The following FILIP1 variants were observed in gnomAD, a reference collection of about 807,000 sequenced individuals.
FILIP1 encodes filamin A interacting protein 1.
Under a neutral mutation model 102.1 loss-of-function variants are expected in FILIP1, and 61 were observed. The observed-to-expected ratio is 0.60, with a 90% CI of 0.49 to 0.74. The LOEUF (loss-of-function observed/expected upper bound fraction) is 0.74. Among genes scored for constraint, FILIP1 ranks in the 30% least tolerant of loss-of-function variants. The pLI is 0.00. For missense variants in FILIP1, 1,314 were observed against 1,441.2 expected (o/e 0.91, Z 1.43); for synonymous variants, 491 against 526.9 (o/e 0.93, Z 0.93).
intron 2 of FILIP1, among the ~76,000 whole-genome samples, chr6:75,393,979 AC>A (rs554232986): frequency 8.2e-4 from 125 of 152,324 alleles, no homozygotes; most frequent in African/African-American, 2.8e-3. Context: ...CCTTAGAGGT[AC>A]TAGCAGAGGC....
At chr6:75,486,604 A>G (rs1452896806) in intron 1 of FILIP1, among the ~76,000 whole-genome samples, 4 of 152,122 alleles carry the variant, frequency 2.6e-5, no homozygotes, top group Non-Finnish European at 4.4e-5. Context: ...AAGTGGTTGA[A>G]ACTATCGAAT....
chr6:75,300,121 A>G (rs577107416), intron 6 of FILIP1, among the ~76,000 whole-genome samples: 1 of 152,088 alleles, frequency 6.6e-6, no homozygotes, highest in Non-Finnish European at 1.5e-5. Flanking sequence ...TGAGCTCTAC[A>G]TTTAAAAAAA....
chr6:75,461,822 A>C (rs533647502), intron 1 of FILIP1, among the ~76,000 whole-genome samples: 2 of 152,322 alleles, frequency 1.3e-5, no homozygotes, highest in South Asian at 4.1e-4. Context: ...ACAAGGGCGA[A>C]GTGTGTGCAT....
chr6:75,465,755 A>G (rs1367744139), intron 1 of FILIP1, among the ~76,000 whole-genome samples: 1 of 152,248 alleles, frequency 6.6e-6, no homozygotes, highest in Non-Finnish European at 1.5e-5. Context: ...TGAAATATAT[A>G]AATTGTGCTA....
intron 2 of FILIP1, among the ~76,000 whole-genome samples, chr6:75,378,236 T>C (rs779714588): frequency 2.0e-5 from 3 of 152,112 alleles, no homozygotes; most frequent in Non-Finnish European, 4.4e-5. Flanking sequence ...CTCCTTAAAG[T>C]ATGTCCTACA....
Position 75,380,847 on chromosome 6 carries a change from C to T in FILIP1, c.277-17930G>A, listed in dbSNP as rs573965418. Among the ~76,000 whole-genome samples, 5 of 152,118 alleles carry T rather than the reference C, an allele frequency of 3.3e-5. No homozygotes were observed. In the South Asian group the frequency reaches 1.0e-3, roughly 32 times the overall value. On this transcript the variant is annotated intron_variant, in intron 2 of 5. Coordinates refer to ENST00000237172, the MANE Select transcript of FILIP1 (RefSeq NM_015687.5). ...TGTGCTTGCAATTATGGAAAAAATA[C>T]ATGTGAAGAAAAATACCCACCAAAA... is the stretch of plus-strand genomic sequence containing the variant.
At chr6:75,296,945 ATAAC>A (rs1204406689) in intron 6 of FILIP1, 2 of 152,132 alleles carry the variant, frequency 1.3e-5, no homozygotes, top group Non-Finnish European at 2.9e-5. Context: ...CAGTCATTGA[ATAAC>A]TATTTATTGA....
intron 6 of FILIP1, among the ~76,000 whole-genome samples, chr6:75,299,546 A>C (rs1394574876): frequency 3.3e-5 from 5 of 152,164 alleles, no homozygotes; most frequent in Non-Finnish European, 5.9e-5. Context: ...TTCAATGAAC[A>C]TATACATATG....
intron 2 of FILIP1, among the ~76,000 whole-genome samples, chr6:75,404,659 C>T (rs928464929): frequency 6.6e-6 from 1 of 152,158 alleles, no homozygotes; most frequent in Non-Finnish European, 1.5e-5. Flanking sequence ...TCACTTTCAG[C>T]AGACCATAAC....
In FILIP1 at chr6:75,322,093, A is replaced by G. The variant is rs367620570; in HGVS notation, c.630-6891T>C. On this transcript the variant is annotated intron_variant, in intron 4 of 5. Transcript: ENST00000237172. ...AGTCGATTCAGCATTCCACTTGCAG[A>G]TGTTTTTTTCTCTTCCCTCATATTT... Among the ~76,000 whole-genome samples the G allele has an allele frequency of 2.2e-4, 33 of 152,278 alleles. 1 individual carries two copies. Among genetic ancestry groups the G allele is most frequent in the East Asian group, 1.2e-3 (6 of 5,176 alleles).
chr6:75,381,241 T>C (rs963176105), intron 2 of FILIP1, among the ~76,000 whole-genome samples: 1 of 152,106 alleles, frequency 6.6e-6, no homozygotes, highest in African/African-American at 2.4e-5. Context: ...TACAATTTTT[T>C]TTTTTTGAGA....
exon 7 of FILIP1, chr6:75,294,434 C>T (rs918209785): frequency 1.3e-5 from 2 of 151,828 alleles, no homozygotes; most frequent in Non-Finnish European, 2.9e-5. Context: ...TCCATATTAA[C>T]AGTCTTTAAA....
chr6:75,402,055 C>T lies in FILIP1; in HGVS notation c.276+12642G>A, dbSNP rs149169299. ...GTGGTATTTTCCCATGGCCAGATTC[C>T]TGTAAAATAATAAAAGGATTTATGA... is the stretch of plus-strand genomic sequence containing the variant. On this transcript the variant is annotated intron_variant, in intron 2 of 5. Coordinates refer to ENST00000237172, the MANE Select transcript of FILIP1 (RefSeq NM_015687.5). 5.4e-4 allele frequency among the ~76,000 whole-genome samples: 82 copies of T among 152,190 alleles called. 2 individuals carry two copies. The East Asian group carries it at 0.015, about 28-fold the overall frequency.
rs772003968 is a variant in FILIP1, at chr6:75,308,713, G to C, written c.3620C>G (p.Ser1207Cys). The C allele has an allele frequency of 6.2e-7, 1 of 1,613,286 alleles. No individual in the cohort carries two copies. The highest frequency in any genetic ancestry group is 8.5e-7 in the Non-Finnish European group (1 of 1,180,004). The stretch of plus-strand genomic sequence containing the variant: ...CCCTCAGCCCTTCCCCCCTCCGAGA[G>C]AGGTGGTGCTGCTGGCTGCAGATTT... ...LKKSAASSTT[S>C]LGGGKG The change falls in exon 6 of 6, where the codon TCT becomes TGT. Residue 1207 changes from serine to cysteine, a missense_variant. Around this residue, in one of 3 missense-constraint regions of FILIP1, gnomAD observed 816 missense variants for 913.1 expected, o/e 0.89. Coordinates refer to ENST00000237172, the MANE Select transcript of FILIP1 (RefSeq NM_015687.5).
chr6:75,443,298 T>G (rs1161963507), intron 1 of FILIP1, among the ~76,000 whole-genome samples: 1 of 152,210 alleles, frequency 6.6e-6, no homozygotes, highest in Non-Finnish European at 1.5e-5. Flanking sequence ...TTTTTAAATG[T>G]TTATGCCAAA....
chr6:75,325,628 A>G (rs916814508), intron 4 of FILIP1, among the ~76,000 whole-genome samples: 1 of 152,236 alleles, frequency 6.6e-6, no homozygotes, highest in African/African-American at 2.4e-5. Flanking sequence ...GCCAACAAAC[A>G]TTTGGAAAAA....
At chr6:75,321,988 TGGAGAAACACA>T (rs1030185088) in intron 4 of FILIP1, among the ~76,000 whole-genome samples, 107 of 152,148 alleles carry the variant, frequency 7.0e-4, no homozygotes, top group African/African-American at 2.3e-3. Flanking sequence ...GAGGGAGCCA[TGGAGAAACACA>T]GGAGCACCCA....
intron 2 of FILIP1, among the ~76,000 whole-genome samples, chr6:75,402,387 T>C (rs563371296): frequency 1.7e-4 from 26 of 152,290 alleles, no homozygotes; most frequent in Non-Finnish European, 3.2e-4. Flanking sequence ...AGCAAAGACA[T>C]GCCATTCTCA....
At chr6:75,332,927 G>A (rs1281006722) in intron 4 of FILIP1, among the ~76,000 whole-genome samples, 2 of 152,086 alleles carry the variant, frequency 1.3e-5, no homozygotes, top group South Asian at 2.1e-4. Flanking sequence ...ACAGTGCTGG[G>A]CAAAGTCATG....
Sources: allele counts gnomAD v4.1 joint callset (sites outside exome capture counted in the v4.1 genomes callset), GRCh38; gene constraint gnomAD v4.1.1; regional missense constraint gnomAD v4.1.1; transcripts MANE v1.5; gene names NCBI Gene and HGNC (gene_info 2026-07-23, HGNC 2026-07-21).